CACNA1G: variants seen among roughly 807,000 people sequenced by gnomAD.
CACNA1G encodes the protein calcium voltage-gated channel subunit alpha1 G.
Under a neutral mutation model 219.4 loss-of-function variants are expected in CACNA1G, and 67 were observed. The ratio of observed to expected loss-of-function variants is 0.31; its 90% CI spans 0.25 to 0.37. The LOEUF (loss-of-function observed/expected upper bound fraction) is 0.37, where lower values mean the gene tolerates loss of function less well. Among genes scored for constraint, CACNA1G ranks in the 10% least tolerant of loss-of-function variants. The pLI is 1.00. For synonymous variants in CACNA1G, 1,296 were observed against 1,345.3 expected (o/e 0.96, Z 0.80); for missense variants, 2,380 against 3,231.4 (o/e 0.74, Z 6.39).
intron 7 of CACNA1G, chr17:50,573,468 AT>A (rs1043257882): frequency 5.5e-5 from 11 of 200,004 alleles, no homozygotes; most frequent in African/African-American, 2.1e-4. Flanking sequence ...TCTGGTTTTG[AT>A]TTTTTTTAAT....
At chr17:50,582,244 T>G (rs1358856934) in intron 9 of CACNA1G, among the ~76,000 whole-genome samples, 1 of 152,198 alleles carries the variant, frequency 6.6e-6, no homozygotes, top group Non-Finnish European at 1.5e-5. Context: ...AGGTGACCTC[T>G]GGGCTGAGTC....
At chr17:50,569,024 T>TGG in intron 2 of CACNA1G, 43 bp downstream of exon 2, 1 of 1,479,688 alleles carries the variant, frequency 6.8e-7, no homozygotes, top group Non-Finnish European at 9.2e-7. Flanking sequence ...GTTGTGTGTG[T>TGG]TGGGGGTTGG....
chr17:50,626,817 C>T lies in CACNA1G; in HGVS notation c.*66C>T. 4 of 1,603,472 alleles carry T rather than the reference C, an allele frequency of 2.5e-6. No homozygotes were observed. Among genetic ancestry groups the T allele is most frequent in the Middle Eastern group, 1.7e-4 (1 of 6,042 alleles). On this transcript the variant is annotated 3_prime_UTR_variant, in exon 38 of 38. Transcript: ENST00000359106. The surrounding 1 kb of genome is among the most constrained non-coding windows in gnomAD (Gnocchi z 4.3). ...CCAAGTCCTAGCTCCTCCTCCTGGG[C>T]TATATTCCTGACAAAAGTTCCATAT...
At chr17:50,591,332 G>T in intron 10 of CACNA1G, 103 bp from the exon 11 acceptor site, 2 of 1,184,608 alleles carry the variant, frequency 1.7e-6, no homozygotes, top group Non-Finnish European at 2.3e-6. Context: ...TTCTCTCGAC[G>T]TGCCCACCCA....
chr17:50,574,936 G>T (rs2040309119), intron 7 of CACNA1G, among the ~76,000 whole-genome samples: 1 of 152,076 alleles, frequency 6.6e-6, no homozygotes, highest in Non-Finnish European at 1.5e-5. Flanking sequence ...GAGGGAGGGG[G>T]GCACAGGGAA....
Position 50,571,265 on chromosome 17 carries a change from G to A in CACNA1G, c.587-613G>A, listed in dbSNP as rs2039386720. Among the ~76,000 whole-genome samples, 1 of 152,214 alleles carries A rather than the reference G, an allele frequency of 6.6e-6. No individual in the cohort carries two copies. The highest frequency in any genetic ancestry group is 6.5e-5 in the Admixed American group (1 of 15,288). On this transcript the variant is annotated intron_variant, in intron 4 of 37. Transcript: ENST00000359106. This position sits in a 1 kb window ranked among gnomAD's most constrained non-coding sequence, Gnocchi z 4.3. ...GCCATAGTGAAGCACAGGGCATCTTGGCCCCTGCCTAGGAGCTGGCTCTCA... is the reference window on the plus strand; with the variant it reads ...GCCATAGTGAAGCACAGGGCATCTTAGCCCCTGCCTAGGAGCTGGCTCTCA...
intron 16 of CACNA1G, among the ~76,000 whole-genome samples, chr17:50,598,684 C>T (rs1184339916): frequency 6.6e-6 from 1 of 152,206 alleles, no homozygotes; most frequent in East Asian, 1.9e-4. Context: ...TTTTAATTTG[C>T]ATTTCCCTGG....
intron 24 of CACNA1G, 40 bp from the exon 25 acceptor site, chr17:50,607,787 C>T (rs763668447): frequency 8.8e-6 from 14 of 1,585,962 alleles, no homozygotes; most frequent in African/African-American, 4.0e-5. Context: ...AGCTTGCCCT[C>T]GGGCTGATGC....
intron 26 of CACNA1G, among the ~76,000 whole-genome samples, chr17:50,613,910 T>C (rs546623459): frequency 2.0e-5 from 3 of 151,298 alleles, no homozygotes; most frequent in African/African-American, 4.8e-5. Flanking sequence ...CCCCACACTC[T>C]TGGGGCTCTG....
At position 50,574,043 on chromosome 17, in the gene CACNA1G, G is replaced by A. The variant is rs564718592; in HGVS notation, c.1140+930G>A. Among the ~76,000 whole-genome samples, 16 of 152,330 alleles carry A rather than the reference G, an allele frequency of 1.1e-4. No homozygotes were observed. In the South Asian group the frequency reaches 3.3e-3, roughly 32 times the overall value. Reference sequence around the variant, plus strand: ...TGGGGCATCACTGCTGACGTATGCTGTAACATCTGCTGCCTGTTTAATCCT... The same window carrying A: ...TGGGGCATCACTGCTGACGTATGCTATAACATCTGCTGCCTGTTTAATCCT... On this transcript the variant is annotated intron_variant, in intron 7 of 37. Coordinates refer to ENST00000359106, the MANE Select transcript of CACNA1G (RefSeq NM_018896.5).
chr17:50,561,142 A>C lies in CACNA1G; in HGVS notation c.-318A>C. 3 of 475,096 alleles carry C rather than the reference A, an allele frequency of 6.3e-6. No individual in the cohort carries two copies. The highest frequency in any genetic ancestry group is 1.2e-5 in the Non-Finnish European group (3 of 250,488). The allele number at this position is 475,096 out of a possible 1,614,324, so 29.4% of individuals were successfully genotyped here. On this transcript the variant is annotated 5_prime_UTR_variant, in exon 1 of 38. Coordinates refer to ENST00000359106, the MANE Select transcript of CACNA1G (RefSeq NM_018896.5). Reference sequence around the variant, plus strand: ...CGCCGAAGGTAGCGCCGAATCCGGCAACCGGAGCCTGGGCGCGAAGCGAAG... The same window carrying C: ...CGCCGAAGGTAGCGCCGAATCCGGCCACCGGAGCCTGGGCGCGAAGCGAAG...
Position 50,626,867 on chromosome 17 carries a change from C to T in CACNA1G, c.*116C>T. 7.6e-7 allele frequency: 1 copy of T among 1,316,012 alleles called. No individual in the cohort carries two copies. Among genetic ancestry groups the T allele is most frequent in the Non-Finnish European group, 1.1e-6 (1 of 913,086 alleles). The allele number at this position is 1,316,012 out of a possible 1,614,324, so 81.5% of individuals were successfully genotyped here. On this transcript the variant is annotated 3_prime_UTR_variant, in exon 38 of 38. Transcript: ENST00000359106. This position sits in a 1 kb window ranked among gnomAD's most constrained non-coding sequence, Gnocchi z 4.3. ...TAGACACCAAGGAGGCGGAGGCGCTCCTCCCTGCCTCAGTGGCTCTGGGTA... is the reference window on the plus strand; with the variant it reads ...TAGACACCAAGGAGGCGGAGGCGCTTCTCCCTGCCTCAGTGGCTCTGGGTA...
At position 50,609,878 on chromosome 17, in the gene CACNA1G, T is replaced by G. The variant is rs374525909; in HGVS notation, c.4706-4T>G. 111 of 1,611,110 alleles carry G rather than the reference T, an allele frequency of 6.9e-5. No homozygotes were observed. ...GTGACCAATGTCGTGTTTCGTTCTT[T>G]TAGATCTAATGCTGGACGATGTAAT... On this transcript the variant is annotated splice_region_variant and splice_polypyrimidine_tract_variant and intron_variant, in intron 25 of 37. Coordinates refer to ENST00000359106, the MANE Select transcript of CACNA1G (RefSeq NM_018896.5).
intron 21 of CACNA1G, 78 bp from the exon 22 acceptor site, chr17:50,604,077 G>A: frequency 4.8e-6 from 7 of 1,464,616 alleles, no homozygotes; most frequent in Non-Finnish European, 6.4e-6. Context: ...CAAGGTTGGG[G>A]GTGGGGAGCA....
Position 50,621,975 on chromosome 17 carries a change from G to A in CACNA1G, c.6060+181G>A, listed in dbSNP as rs1282478621. On this transcript the variant is annotated intron_variant, in intron 35 of 37. Transcript: ENST00000359106. This position sits in a 1 kb window ranked among gnomAD's most constrained non-coding sequence, Gnocchi z 4.6. Reference sequence around the variant, plus strand: ...ACGCTTTGCTGGCACAAGGTCTTCAGGTTCCCCACTGGGGACAAAGAGATT... The same window carrying A: ...ACGCTTTGCTGGCACAAGGTCTTCAAGTTCCCCACTGGGGACAAAGAGATT... 6.6e-6 allele frequency among the ~76,000 whole-genome samples: 1 copy of A among 152,140 alleles called. No individual in the cohort carries two copies. Among genetic ancestry groups the A allele is most frequent in the South Asian group, 2.1e-4 (1 of 4,816 alleles).
intron 18 of CACNA1G, 47 bp from the exon 19 acceptor site, chr17:50,601,004 A>C (rs1598480705): frequency 6.2e-7 from 1 of 1,603,022 alleles, no homozygotes; most frequent in African/African-American, 1.3e-5. Context: ...TCTCGTTGCC[A>C]CCTGCCCTGC....
rs773404050 is a variant in CACNA1G at position 50,591,930 on chromosome 17, C to T, written c.2755-7C>T. 2 of 1,613,934 alleles carry T rather than the reference C, an allele frequency of 1.2e-6. No individual in the cohort carries two copies. Among genetic ancestry groups the T allele is most frequent in the Non-Finnish European group, 8.5e-7 (1 of 1,179,842 alleles). ...TATAGGCCCTGATTCCTGTCTTCTG[C>T]CCGCAGATCCTGACCCAGGAGGACT... On this transcript the variant is annotated splice_region_variant and splice_polypyrimidine_tract_variant and intron_variant, in intron 12 of 37. Transcript: ENST00000359106.
intron 1 of CACNA1G, among the ~76,000 whole-genome samples, chr17:50,567,821 A>G (rs928357387): frequency 6.6e-6 from 1 of 152,088 alleles, no homozygotes; most frequent in Admixed American, 6.6e-5. Flanking sequence ...TCTCCTGCTG[A>G]TGGGCTGGAA....
At chr17:50,613,292 G>A (rs1214447146) in intron 26 of CACNA1G, among the ~76,000 whole-genome samples, 1 of 152,224 alleles carries the variant, frequency 6.6e-6, no homozygotes, top group African/African-American at 2.4e-5. Flanking sequence ...GTGCTCTAAT[G>A]GGGGATTTCT....
Sources: allele counts gnomAD v4.1 joint callset (sites outside exome capture counted in the v4.1 genomes callset), GRCh38; gene constraint gnomAD v4.1.1; non-coding constraint Gnocchi (gnomAD v3.1); transcripts MANE v1.5; gene names NCBI Gene and HGNC (gene_info 2026-07-23, HGNC 2026-07-21).